The following PRUNE2 variants were observed in gnomAD, a reference collection of about 807,000 sequenced individuals.
PRUNE2 encodes prune homolog 2 with BCH domain.
PRUNE2 carries 164 observed loss-of-function variants against 252.0 expected under a neutral mutation model. The observed-to-expected ratio is 0.65, with a 90% CI of 0.57 to 0.74. The LOEUF (loss-of-function observed/expected upper bound fraction) is 0.74, where lower values mean the gene tolerates loss of function less well. Among genes scored for constraint, PRUNE2 ranks in the 30% least tolerant of loss-of-function variants. The pLI, the probability that PRUNE2 is intolerant of heterozygous loss-of-function variation, is 0.00. For missense variants in PRUNE2, 3,495 were observed against 3,711.0 expected (o/e 0.94, Z 1.51); for synonymous variants, 1,292 against 1,350.2 (o/e 0.96, Z 0.94).
chr9:76,757,817 A>G (rs922996796), intron 6 of PRUNE2, among the ~76,000 whole-genome samples: 2 of 152,144 alleles, frequency 1.3e-5, no homozygotes, highest in Admixed American at 6.6e-5. Flanking sequence ...ATGCATCTAT[A>G]GTTCCAGTGA....
At chr9:76,798,285 G>A (rs1401242233) in intron 6 of PRUNE2, among the ~76,000 whole-genome samples, 3 of 152,070 alleles carry the variant, frequency 2.0e-5, no homozygotes, top group African/African-American at 7.2e-5. Context: ...AATAACATCT[G>A]TCCATTTCTT....
At chr9:76,641,208 G>C (rs968372688) in intron 12 of PRUNE2, among the ~76,000 whole-genome samples, 2 of 152,092 alleles carry the variant, frequency 1.3e-5, no homozygotes, top group Admixed American at 1.3e-4. Flanking sequence ...ATTTATAAAT[G>C]AAAATGAAAA....
rs944271269 is a variant in PRUNE2 at position 76,613,079 on chromosome 9, A to G, written c.*1491T>C. On this transcript the variant is annotated 3_prime_UTR_variant, in exon 19 of 19. Transcript: ENST00000376718. ...AGAAGGCTTCATTTTGGCAATTGCA[A>G]CCTAAGCAGTGATTTTGTGGCTAGG... The G allele has an allele frequency of 2.6e-5, 4 of 152,210 alleles. No individual in the cohort carries two copies. Among genetic ancestry groups the G allele is most frequent in the African/African-American group, 9.6e-5 (4 of 41,454 alleles). The allele number at this position is 152,210 out of a possible 1,614,324, so 9.4% of individuals were successfully genotyped here.
Position 76,703,935 on chromosome 9 carries a change from G to T in PRUNE2, c.7678C>A (p.His2560Asn). ...TCTTCACAGGTCTCTGGCTTTGAGT[G>T]TGAATTTTCTTCACGGTTTACAAGT... Reference protein sequence around the residue: ...YILVNREENSHSKPETCEERE... With the variant: ...YILVNREENSNSKPETCEERE... Residue 2560 changes from histidine to asparagine, a missense_variant, in exon 9 of 19, where the codon CAC becomes AAC. Transcript: ENST00000376718. 1 of 1,613,742 alleles carries T rather than the reference G, an allele frequency of 6.2e-7. No homozygotes were observed. Among genetic ancestry groups the T allele is most frequent in the Non-Finnish European group, 8.5e-7 (1 of 1,179,860 alleles).
chr9:76,890,695 C>G (rs1290421875), intron 1 of PRUNE2, among the ~76,000 whole-genome samples: 1 of 152,118 alleles, frequency 6.6e-6, no homozygotes, highest in Non-Finnish European at 1.5e-5. Context: ...CCGAAGCCTC[C>G]CAACACGGGG....
In PRUNE2 at chr9:76,644,945, G is replaced by A. The variant is rs144445083; in HGVS notation, c.8558-36C>T. ...CAAAGCACAGAGCAAGGCTGAAGGA[G>A]CAAGACCTCCACAGTGCAGCTAAAC... On this transcript the variant is annotated intron_variant, in intron 11 of 18. Coordinates refer to ENST00000376718, the MANE Select transcript of PRUNE2 (RefSeq NM_015225.3). The A allele has an allele frequency of 2.3e-5, 36 of 1,592,488 alleles. No individual in the cohort carries two copies. The East Asian group carries it at 8.1e-4, about 36-fold the overall frequency.
chr9:76,642,325 G>A (rs1842969051), intron 12 of PRUNE2, among the ~76,000 whole-genome samples: 1 of 152,214 alleles, frequency 6.6e-6, no homozygotes, highest in African/African-American at 2.4e-5. Flanking sequence ...GTAAGTGACA[G>A]AGATGGGTTT....
intron 6 of PRUNE2, among the ~76,000 whole-genome samples, chr9:76,764,776 C>A (rs954530102): frequency 4.6e-5 from 7 of 152,082 alleles, no homozygotes; most frequent in African/African-American, 1.7e-4. Context: ...TGGGCCTAGG[C>A]CTTTTTGGAG....
chr9:76,746,057 T>G (rs1304982945), intron 6 of PRUNE2, among the ~76,000 whole-genome samples: 1 of 152,182 alleles, frequency 6.6e-6, no homozygotes, highest in Non-Finnish European at 1.5e-5. Context: ...ACAGTCCCTG[T>G]GCTCAGAAGG....
chr9:76,760,817 C>T (rs1235219144), intron 6 of PRUNE2, among the ~76,000 whole-genome samples: 5 of 152,150 alleles, frequency 3.3e-5, no homozygotes, highest in African/African-American at 4.8e-5. Flanking sequence ...TCGGGCCGGG[C>T]GCGGTGACCT....
At chr9:76,661,431 T>A (rs1378724671) in intron 9 of PRUNE2, among the ~76,000 whole-genome samples, 1 of 151,992 alleles carries the variant, frequency 6.6e-6, no homozygotes, top group Non-Finnish European at 1.5e-5. Context: ...TTAATAGAGA[T>A]GGGGTTTCAC....
At chr9:76,750,227 T>C (rs1248576560) in intron 6 of PRUNE2, among the ~76,000 whole-genome samples, 1 of 152,234 alleles carries the variant, frequency 6.6e-6, no homozygotes, top group East Asian at 1.9e-4. Flanking sequence ...TAGCAAATTA[T>C]TGAACCAGAA....
At position 76,905,995 on chromosome 9, in the gene PRUNE2, C is replaced by A. The variant is rs933858248; in HGVS notation, c.-32G>T. ...GCTAGGGGTTTGGAACCCGGGTACT[C>A]GGAGGGGCGCAGTGGAAAATCTCGG... On this transcript the variant is annotated 5_prime_UTR_variant, in exon 1 of 19. Transcript: ENST00000376718. The A allele has an allele frequency of 6.2e-7, 1 of 1,612,588 alleles. No homozygotes were observed. Among genetic ancestry groups the A allele is most frequent in the Non-Finnish European group, 8.5e-7 (1 of 1,178,800 alleles).
intron 6 of PRUNE2, among the ~76,000 whole-genome samples, chr9:76,724,303 C>CAAAAA (rs796291956): frequency 8.6e-5 from 6 of 69,404 alleles, no homozygotes; most frequent in Non-Finnish European, 1.1e-4. Context: ...GATAGAAATA[C>CAAAAA]AAAAAAAAAA....
At chr9:76,799,963 TC>T (rs1328592170) in intron 6 of PRUNE2, among the ~76,000 whole-genome samples, 1 of 152,068 alleles carries the variant, frequency 6.6e-6, no homozygotes, top group Non-Finnish European at 1.5e-5. Context: ...TCTAGAAATG[TC>T]CCCTAGTGGC....
At chr9:76,767,018 T>C (rs1317890659) in intron 6 of PRUNE2, among the ~76,000 whole-genome samples, 1 of 152,190 alleles carries the variant, frequency 6.6e-6, no homozygotes, top group Non-Finnish European at 1.5e-5. Flanking sequence ...CGTGAAATCT[T>C]AACCTTGCCT....
chr9:76,845,008 A>AG (rs2059596312), intron 4 of PRUNE2, among the ~76,000 whole-genome samples: 1 of 148,324 alleles, frequency 6.7e-6, no homozygotes, highest in South Asian at 2.1e-4. Context: ...CTTAAAAAAA[A>AG]AAAAAAAAAA....
Position 76,613,252 on chromosome 9 carries a change from G to A in PRUNE2, c.*1318C>T, listed in dbSNP as rs1219579955. ...TCTAAATACAAATTGGGGTGGAGTA[G>A]GAAAGGATGCGTTTGCTAGAGCAGG... On this transcript the variant is annotated 3_prime_UTR_variant, in exon 19 of 19. Transcript: ENST00000376718. The A allele has an allele frequency of 6.6e-6, 1 of 152,198 alleles. No homozygotes were observed. The highest frequency in any genetic ancestry group is 1.5e-5 in the Non-Finnish European group (1 of 68,042). The allele number at this position is 152,198 out of a possible 1,614,324, so 9.4% of individuals were successfully genotyped here.
intron 1 of PRUNE2, chr9:76,868,836 G>GC (rs2060998917): frequency 1.9e-5 from 2 of 104,968 alleles, no homozygotes; most frequent in African/African-American, 3.8e-5. Context: ...TCCTTGGGGG[G>GC]TGGGGGGGGG....
Sources: gnomAD v4.1 joint callset for allele counts (sites outside exome capture counted in the v4.1 genomes callset) on GRCh38, gnomAD v4.1.1 for gene constraint, MANE v1.5 for transcripts, NCBI Gene and HGNC (gene_info 2026-07-23, HGNC 2026-07-21) for gene names.